Variants in EPHA6 observed in about 807,000 individuals in gnomAD.
EPHA6 encodes the protein EPH receptor A6, also known as ephrin type-A receptor 6.
EPHA6 carries 50 observed loss-of-function variants against 112.0 expected under a neutral mutation model. That is an observed-to-expected ratio of 0.45 (90% CI 0.36 to 0.56). The LOEUF is 0.56. Among genes scored for constraint, EPHA6 ranks in the 20% least tolerant of loss-of-function variants. The pLI, the probability that EPHA6 is intolerant of heterozygous loss-of-function variation, is 0.00. For missense variants in EPHA6, 1,280 were observed against 1,417.4 expected (o/e 0.90, Z 1.56); for synonymous variants, 529 against 490.7 (o/e 1.08, Z -1.03).
chr3:97,199,470 A>T (rs2077524546), intron 3 of EPHA6, among the ~76,000 whole-genome samples: 1 of 152,136 alleles, frequency 6.6e-6, no homozygotes, highest in Non-Finnish European at 1.5e-5. Context: ...CAACCAGGGC[A>T]TCAGTAGTTG....
intron 5 of EPHA6, among the ~76,000 whole-genome samples, chr3:97,292,130 C>G (rs899094943): frequency 7.2e-5 from 11 of 152,236 alleles, no homozygotes; most frequent in Admixed American, 1.3e-4. Context: ...AGACATACCA[C>G]AAGCGGCTTC....
intron 2 of EPHA6, 99 bp from the exon 3 acceptor site, chr3:96,987,231 T>A: frequency 9.9e-7 from 1 of 1,006,122 alleles, no homozygotes; most frequent in Non-Finnish European, 1.5e-6. Flanking sequence ...TCCTTTTAAT[T>A]CATTTTTATT....
intron 4 of EPHA6, among the ~76,000 whole-genome samples, chr3:97,243,568 A>AT (rs961305535): frequency 6.6e-6 from 1 of 151,372 alleles, no homozygotes. Context: ...GTATGTTACT[A>AT]TTTTTTTTCA....
intron 2 of EPHA6, among the ~76,000 whole-genome samples, chr3:96,869,079 ATCAAT>A (rs745833307): frequency 2.2e-4 from 33 of 152,050 alleles, no homozygotes; most frequent in Non-Finnish European, 4.7e-4. Flanking sequence ...ACACTTGCTT[ATCAAT>A]TCATTTGTGC....
intron 1 of EPHA6, among the ~76,000 whole-genome samples, chr3:96,822,411 T>C (rs1175290514): frequency 2.0e-5 from 3 of 151,966 alleles, no homozygotes; most frequent in African/African-American, 2.4e-5. Flanking sequence ...CTGAAAAATA[T>C]ATTGAGCTAG....
chr3:97,273,962 C>T (rs1019053473), intron 5 of EPHA6, among the ~76,000 whole-genome samples: 16 of 152,124 alleles, frequency 1.1e-4, no homozygotes, highest in African/African-American at 2.9e-4. Flanking sequence ...GGCAAATCCC[C>T]GAGCTTTATG....
intron 2 of EPHA6, among the ~76,000 whole-genome samples, chr3:96,875,631 A>G (rs1278611263): frequency 6.6e-6 from 1 of 152,002 alleles, no homozygotes; most frequent in African/African-American, 2.4e-5. Context: ...TGGGCAGCTG[A>G]AAAATAAGTA....
chr3:97,131,709 G>C (rs1010511977), intron 3 of EPHA6, among the ~76,000 whole-genome samples: 18 of 152,136 alleles, frequency 1.2e-4, no homozygotes, highest in Non-Finnish European at 1.5e-4. Flanking sequence ...GAGAGGATCA[G>C]AAAGTTCCCA....
chr3:97,499,888 G>C lies in EPHA6; in HGVS notation c.2200+15829G>C, dbSNP rs557190622. Among the ~76,000 whole-genome samples the C allele has an allele frequency of 1.2e-4, 19 of 152,002 alleles. No individual in the cohort carries two copies. In the South Asian group the frequency reaches 4.0e-3, roughly 32 times the overall value. ...ACTGTATGTAAACTTTATAAACACT[G>C]TACACTTAGACTACACTAAATGTAT... On this transcript the variant is annotated intron_variant, in intron 10 of 17. Transcript: ENST00000389672.
At chr3:97,627,379 G>A (rs1232481118) in intron 13 of EPHA6, among the ~76,000 whole-genome samples, 1 of 151,796 alleles carries the variant, frequency 6.6e-6, no homozygotes, top group Non-Finnish European at 1.5e-5. Flanking sequence ...TGGGTTTCAG[G>A]ATTACATTGA....
chr3:97,557,632 G>T (rs542342561), intron 11 of EPHA6, among the ~76,000 whole-genome samples: 1 of 151,842 alleles, frequency 6.6e-6, no homozygotes, highest in African/African-American at 2.4e-5. Context: ...CTCCACTTCA[G>T]GGTAGTTTTC....
chr3:97,054,179 C>A (rs1559697273), intron 3 of EPHA6, among the ~76,000 whole-genome samples: 1 of 151,968 alleles, frequency 6.6e-6, no homozygotes, highest in Non-Finnish European at 1.5e-5. Context: ...CACACACACA[C>A]ACACACACAC....
chr3:97,748,557 C>G lies in EPHA6; in HGVS notation c.3279-30C>G, dbSNP rs375012200. ...TCTCTCTTTCTTGCTCTCACTCTCG[C>G]TCTCACTCTTGCTCTCTCCTTTCTT... On this transcript the variant is annotated intron_variant, in intron 17 of 17. Coordinates refer to ENST00000389672, the MANE Select transcript of EPHA6 (RefSeq NM_001080448.3). The G allele has an allele frequency of 5.3e-6, 6 of 1,137,766 alleles. No individual in the cohort carries two copies. The African/African-American group carries it at 6.1e-5, about 12-fold the overall frequency. The allele number at this position is 1,137,766 out of a possible 1,614,324, so 70.5% of individuals were successfully genotyped here.
chr3:97,274,339 A>T (rs908229273), intron 5 of EPHA6, among the ~76,000 whole-genome samples: 16 of 152,162 alleles, frequency 1.1e-4, no homozygotes, highest in African/African-American at 3.9e-4. Context: ...CCTTAGCATA[A>T]ACATTGCCTA....
chr3:97,107,737 A>G (rs1008269166), intron 3 of EPHA6, among the ~76,000 whole-genome samples: 1 of 152,018 alleles, frequency 6.6e-6, no homozygotes, highest in African/African-American at 2.4e-5. Flanking sequence ...CTTGATTCTG[A>G]TGTATTAGGG....
At chr3:96,992,978 T>TA (rs982301300) in intron 3 of EPHA6, among the ~76,000 whole-genome samples, 2 of 152,296 alleles carry the variant, frequency 1.3e-5, no homozygotes, top group African/African-American at 2.4e-5. Context: ...GAGGTGTACT[T>TA]AAAAAATCAC....
At chr3:97,085,927 T>TTGTATATATATATA (rs1559718504) in intron 3 of EPHA6, among the ~76,000 whole-genome samples, 1 of 103,964 alleles carries the variant, frequency 9.6e-6, no homozygotes, top group Admixed American at 9.9e-5. Flanking sequence ...ATATATGATG[T>TTGTATATATATATA]CATATATATA....
intron 6 of EPHA6, among the ~76,000 whole-genome samples, chr3:97,408,178 C>T (rs2087482485): frequency 6.6e-6 from 1 of 152,072 alleles, no homozygotes; most frequent in Non-Finnish European, 1.5e-5. Context: ...CAATCCCACC[C>T]AAGAGGGTGT....
chr3:97,563,536 T>A (rs1012491706), intron 11 of EPHA6, among the ~76,000 whole-genome samples: 1 of 152,168 alleles, frequency 6.6e-6, no homozygotes, highest in Non-Finnish European at 1.5e-5. Flanking sequence ...AATTTTTGAA[T>A]GGAGAGTGAC....
Sources: allele counts gnomAD v4.1 joint callset (sites outside exome capture counted in the v4.1 genomes callset), GRCh38; gene constraint gnomAD v4.1.1; transcripts MANE v1.5; gene names NCBI Gene and HGNC (gene_info 2026-07-23, HGNC 2026-07-21).